The following MTMR10 variants were observed in gnomAD, a reference collection of about 807,000 sequenced individuals.
The protein encoded by MTMR10 is myotubularin-related protein 10.
A neutral mutation model predicts 88.1 loss-of-function variants in MTMR10; 56 were observed. The ratio of observed to expected loss-of-function variants is 0.64; its 90% CI spans 0.51 to 0.79. The LOEUF (loss-of-function observed/expected upper bound fraction) is 0.79. MTMR10 is among the 30% of genes least tolerant of loss of function. The pLI is 0.00. For synonymous variants in MTMR10, 380 were observed against 340.9 expected (o/e 1.11, Z -1.26); for missense variants, 883 against 924.7 (o/e 0.95, Z 0.58).
At chr15:30,983,232 A>G (rs993054250) in intron 2 of MTMR10, among the ~76,000 whole-genome samples, 1 of 152,204 alleles carries the variant, frequency 6.6e-6, no homozygotes, top group Non-Finnish European at 1.5e-5. Context: ...TGCCACAAGG[A>G]AGCCTCATGA....
At chr15:30,927,620 T>G in the MTMR10 span, 1 of 985,494 alleles carries the variant, frequency 1.0e-6, no homozygotes. Context: ...AAATGTCAGG[T>G]GGGACCAGCC....
chr15:30,972,370 T>A (rs2063547602), intron 5 of MTMR10, among the ~76,000 whole-genome samples: 1 of 152,150 alleles, frequency 6.6e-6, no homozygotes, highest in African/African-American at 2.4e-5. Context: ...ATCTATTTTT[T>A]TTTCCTGCAC....
the MTMR10 span, among the ~76,000 whole-genome samples, chr15:30,922,024 G>A: frequency 5.3e-5 from 8 of 152,320 alleles, no homozygotes; most frequent in East Asian, 3.9e-4. Flanking sequence ...GGCAGGGACC[G>A]GGTGAAGAGT....
intron 5 of MTMR10, among the ~76,000 whole-genome samples, chr15:30,973,399 C>T (rs1054693517): frequency 9.9e-5 from 15 of 152,170 alleles, no homozygotes; most frequent in Admixed American, 3.3e-4. Flanking sequence ...AATCTAAAAA[C>T]AAATCTACCA....
downstream of MTMR10, among the ~76,000 whole-genome samples, chr15:30,934,007 C>T (rs2062786888): frequency 6.6e-6 from 1 of 152,098 alleles, no homozygotes. Context: ...ACGTTGGCCT[C>T]CCAAAATGCT....
At chr15:30,926,495 C>T in the MTMR10 span, 8 of 327,232 alleles carry the variant, frequency 2.4e-5, no homozygotes, top group African/African-American at 1.6e-4. Flanking sequence ...CCCGAGTGTT[C>T]GGAAGATTAA....
chr15:30,963,780 G>A (rs1259063176), intron 6 of MTMR10, among the ~76,000 whole-genome samples: 1 of 152,198 alleles, frequency 6.6e-6, no homozygotes, highest in African/African-American at 2.4e-5. Context: ...GCGTGTCTGT[G>A]AGAAGGAAGA....
downstream of MTMR10, among the ~76,000 whole-genome samples, chr15:30,935,528 T>A (rs1025637588): frequency 1.3e-5 from 2 of 152,158 alleles, no homozygotes; most frequent in African/African-American, 4.8e-5. Flanking sequence ...GCATTTATAT[T>A]AGGTATTATA....
At chr15:30,933,208 AGGTGGAAGCTAT>A in the MTMR10 span, among the ~76,000 whole-genome samples, 1 of 152,046 alleles carries the variant, frequency 6.6e-6, no homozygotes, top group Non-Finnish European at 1.5e-5. Context: ...TAGTTTCTCA[AGGTGGAAGCTAT>A]GGTGATTGCT....
the MTMR10 span, among the ~76,000 whole-genome samples, chr15:30,929,042 G>C: frequency 7.9e-5 from 12 of 152,174 alleles, no homozygotes; most frequent in African/African-American, 2.9e-4. Flanking sequence ...TAAAAAACAA[G>C]TTTAATAAAT....
chr15:30,943,855 T>C, intron 14 of MTMR10: 1 of 985,370 alleles, frequency 1.0e-6, no homozygotes, highest in Non-Finnish European at 1.2e-6. Flanking sequence ...CATTTAGCAA[T>C]GTGGAGAAAG....
chr15:30,991,364 G>T, intron 1 of MTMR10, 83 bp downstream of exon 1: 1 of 1,309,230 alleles, frequency 7.6e-7, no homozygotes, highest in Non-Finnish European at 1.0e-6. Context: ...GCCTCCTGGG[G>T]TCCTCCAGTT....
At chr15:30,961,880 T>C (rs1487052010) in intron 6 of MTMR10, among the ~76,000 whole-genome samples, 1 of 152,190 alleles carries the variant, frequency 6.6e-6, no homozygotes, top group Non-Finnish European at 1.5e-5. Context: ...CCGTCCCTAA[T>C]TGTGGGGTAA....
At chr15:30,938,307 T>G (rs1003438574), downstream of MTMR10, among the ~76,000 whole-genome samples, 1 of 152,252 alleles carries the variant, frequency 6.6e-6, no homozygotes, top group Non-Finnish European at 1.5e-5. Context: ...GCTGTTAAAC[T>G]TTTATGATTA....
chr15:30,979,033 A>G (rs1470924234), intron 2 of MTMR10, among the ~76,000 whole-genome samples: 1 of 152,176 alleles, frequency 6.6e-6, no homozygotes, highest in Non-Finnish European at 1.5e-5. Context: ...TCTCCTCTCC[A>G]GTAAATCTTA....
At chr15:30,982,063 T>A in intron 2 of MTMR10, among the ~76,000 whole-genome samples, 1 of 133,942 alleles carries the variant, frequency 7.5e-6, no homozygotes, top group Non-Finnish European at 1.6e-5. Flanking sequence ...AGAACAAGAC[T>A]CCATCTCAAA....
chr15:30,974,253 G>A lies in MTMR10; in HGVS notation c.474+61C>T, dbSNP rs1289060090. 20 of 1,314,538 alleles carry A rather than the reference G, an allele frequency of 1.5e-5. No homozygotes were observed. In the South Asian group the frequency reaches 1.7e-4, roughly 11 times the overall value. The allele number at this position is 1,314,538 out of a possible 1,614,324, so 81.4% of individuals were successfully genotyped here. On this transcript the variant is annotated intron_variant, in intron 5 of 15. Coordinates refer to ENST00000435680, the MANE Select transcript of MTMR10 (RefSeq NM_017762.3). ...AATTGAGAAATGAAAACTGCCATAC[G>A]GAATTGAAATCAGTAAACACAGTAC...
the MTMR10 span, among the ~76,000 whole-genome samples, chr15:30,926,240 G>A: frequency 6.6e-6 from 1 of 152,142 alleles, no homozygotes; most frequent in East Asian, 1.9e-4. Context: ...TCAACCCCAC[G>A]GACACCCACT....
chr15:30,923,333 CAGA>C, the MTMR10 span, among the ~76,000 whole-genome samples: 2 of 152,132 alleles, frequency 1.3e-5, no homozygotes, highest in Non-Finnish European at 2.9e-5. Flanking sequence ...GAACCAAATA[CAGA>C]AGGAGAAAGC....
Sources: gnomAD v4.1 joint callset for allele counts (sites outside exome capture counted in the v4.1 genomes callset) on GRCh38, gnomAD v4.1.1 for gene constraint, MANE v1.5 for transcripts, NCBI Gene and HGNC (gene_info 2026-07-23, HGNC 2026-07-21) for gene names.